The following KCND2 variants were observed in gnomAD, a reference collection of about 807,000 sequenced individuals.
KCND2 encodes A-type voltage-gated potassium channel KCND2.
In KCND2, 16 loss-of-function variants were observed where a neutral mutation model predicts 54.4. The ratio of observed to expected loss-of-function variants is 0.29; its 90% CI spans 0.20 to 0.45. The LOEUF is 0.45. KCND2 is among the 20% of genes least tolerant of loss of function. KCND2 has a pLI of 1.00. For missense variants in KCND2, 486 were observed against 824.2 expected, an observed-to-expected ratio of 0.59 and a Z score of 5.02; for synonymous variants, 317 against 310.7, an observed-to-expected ratio of 1.02 and a Z score of -0.21.
At chr7:120,609,210 G>A (rs1049702720) in intron 1 of KCND2, among the ~76,000 whole-genome samples, 3 of 151,990 alleles carry the variant, frequency 2.0e-5, no homozygotes, top group African/African-American at 7.2e-5. Flanking sequence ...CTACTAAGCC[G>A]AGGCAAACTA....
At chr7:120,404,081 G>A (rs1314135213) in intron 1 of KCND2, among the ~76,000 whole-genome samples, 1 of 152,106 alleles carries the variant, frequency 6.6e-6, no homozygotes, top group Admixed American at 6.6e-5. Context: ...AAAAAAACTA[G>A]AGAGTTTGGG....
chr7:120,584,172 A>C (rs1562879691), intron 1 of KCND2, among the ~76,000 whole-genome samples: 1 of 152,222 alleles, frequency 6.6e-6, no homozygotes, highest in Admixed American at 6.5e-5. Context: ...TATGCTTTCT[A>C]TCCTCTTTGG....
rs1339810801 is a variant in KCND2 at position 120,733,967 on chromosome 7, A to T, written c.1278+902A>T. 3.9e-5 allele frequency among the ~76,000 whole-genome samples: 6 copies of T among 152,274 alleles called. No homozygotes were observed. The East Asian group carries it at 9.7e-4, about 24-fold the overall frequency. Reference sequence around the variant, plus strand: ...TTTTCACAAAAGAATTCATATGTTAAAAGACAAACCTTAGCCAAATTAAAT... The same window carrying T: ...TTTTCACAAAAGAATTCATATGTTATAAGACAAACCTTAGCCAAATTAAAT... On this transcript the variant is annotated intron_variant, in intron 2 of 5. Coordinates refer to ENST00000331113, the MANE Select transcript of KCND2 (RefSeq NM_012281.3).
chr7:120,403,675 T>G (rs1801302417), intron 1 of KCND2, among the ~76,000 whole-genome samples: 1 of 151,890 alleles, frequency 6.6e-6, no homozygotes, highest in Non-Finnish European at 1.5e-5. Flanking sequence ...CAATTTCACA[T>G]TCAAATTTTT....
intron 1 of KCND2, among the ~76,000 whole-genome samples, chr7:120,560,174 A>G (rs147368583): frequency 6.2e-4 from 95 of 152,342 alleles, no homozygotes; most frequent in Middle Eastern, 3.4e-3. Context: ...GTAATTCAAC[A>G]TTGATATAAA....
At chr7:120,551,102 C>G (rs555289763) in intron 1 of KCND2, among the ~76,000 whole-genome samples, 1 of 152,084 alleles carries the variant, frequency 6.6e-6, no homozygotes, top group Admixed American at 6.6e-5. Flanking sequence ...TAAATAAATG[C>G]GCAGAGCTCT....
intron 1 of KCND2, among the ~76,000 whole-genome samples, chr7:120,502,948 A>G (rs1244642851): frequency 6.6e-6 from 1 of 152,072 alleles, no homozygotes; most frequent in Non-Finnish European, 1.5e-5. Context: ...CCTCAGATTT[A>G]CTTTCCTAGC....
At chr7:120,279,451 A>G (rs552360777) in intron 1 of KCND2, among the ~76,000 whole-genome samples, 1 of 151,900 alleles carries the variant, frequency 6.6e-6, no homozygotes, top group African/African-American at 2.4e-5. Flanking sequence ...TTTTCATCAA[A>G]GTGTTCAATA....
intron 2 of KCND2, among the ~76,000 whole-genome samples, chr7:120,738,662 AGTT>A (rs1562924726): frequency 6.6e-6 from 1 of 152,040 alleles, no homozygotes; most frequent in Non-Finnish European, 1.5e-5. Context: ...CCATGCCAGA[AGTT>A]GTATGTCCTA....
intron 1 of KCND2, among the ~76,000 whole-genome samples, chr7:120,413,304 TA>T (rs1801477074): frequency 6.6e-6 from 1 of 152,048 alleles, no homozygotes; most frequent in South Asian, 2.1e-4. Context: ...TACCAAATAT[TA>T]ATATTTCATT....
chr7:120,274,560 G>C lies in KCND2; in HGVS notation c.-73G>C, dbSNP rs1262093252. 1.3e-6 allele frequency: 2 copies of C among 1,565,044 alleles called. No individual in the cohort carries two copies. The highest frequency in any genetic ancestry group is 1.7e-5 in the Admixed American group (1 of 59,942). ...AGTACTTTGCTTGACTGGAGGAAGT[G>C]GGTGACTTTTGGCTGCTTCGGTGAC... On this transcript the variant is annotated 5_prime_UTR_variant, in exon 1 of 6. Coordinates refer to ENST00000331113, the MANE Select transcript of KCND2 (RefSeq NM_012281.3).
chr7:120,279,953 A>G (rs1348211013), intron 1 of KCND2, among the ~76,000 whole-genome samples: 1 of 151,906 alleles, frequency 6.6e-6, no homozygotes, highest in African/African-American at 2.4e-5. Context: ...TTGCAGAATC[A>G]TTTATGTAGA....
chr7:120,620,844 C>T (rs2116499822), intron 1 of KCND2, among the ~76,000 whole-genome samples: 1 of 152,244 alleles, frequency 6.6e-6, no homozygotes, highest in Middle Eastern at 3.4e-3. Context: ...ACTGGAAAAC[C>T]AGCCACTGGT....
intron 1 of KCND2, among the ~76,000 whole-genome samples, chr7:120,577,991 AG>A (rs778399039): frequency 5.3e-5 from 8 of 152,072 alleles, no homozygotes; most frequent in Non-Finnish European, 7.4e-5. Flanking sequence ...TCTTGAGTCC[AG>A]GAGTTCAAGA....
At chr7:120,585,725 G>A (rs1792589862) in intron 1 of KCND2, among the ~76,000 whole-genome samples, 1 of 152,164 alleles carries the variant, frequency 6.6e-6, no homozygotes, top group Non-Finnish European at 1.5e-5. Flanking sequence ...GGGCACTAAA[G>A]AGAAACAGGA....
intron 1 of KCND2, among the ~76,000 whole-genome samples, chr7:120,633,172 T>C (rs4730967): frequency 0.39 from 59,196 of 152,010 alleles, 13,593 homozygotes; most frequent in African/African-American, 0.62. Flanking sequence ...TCATTCTTTT[T>C]TTTGAGACTA....
chr7:120,548,329 C>CCAAT, intron 1 of KCND2, among the ~76,000 whole-genome samples: 1 of 152,194 alleles, frequency 6.6e-6, no homozygotes, highest in Admixed American at 6.5e-5. Flanking sequence ...GACTGGTGAA[C>CCAAT]CAATCAAAAC....
At chr7:120,351,244 G>GTGTATATATATATATATATATATATATA (rs376321316) in intron 1 of KCND2, among the ~76,000 whole-genome samples, 2 of 137,352 alleles carry the variant, frequency 1.5e-5, no homozygotes, top group African/African-American at 5.4e-5. Context: ...TTATATGTGT[G>GTGTATATATATATATATATATATATATA]TATATATATA....
At position 120,307,396 on chromosome 7, in the gene KCND2, T is replaced by C. The variant is rs942852383; in HGVS notation, c.1115+31649T>C. 3.9e-4 allele frequency among the ~76,000 whole-genome samples: 59 copies of C among 152,082 alleles called. 1 individual carries two copies. The highest frequency in any genetic ancestry group is 1.3e-3 in the African/African-American group (55 of 41,444). ...AAGTATACAAATTTGGGGACAGTGA[T>C]ATACCTACCTGTGACTAGCTTACAG... On this transcript the variant is annotated intron_variant, in intron 1 of 5. Transcript: ENST00000331113.
Sources: allele counts gnomAD v4.1 joint callset (sites outside exome capture counted in the v4.1 genomes callset), GRCh38; gene constraint gnomAD v4.1.1; transcripts MANE v1.5; gene names NCBI Gene and HGNC (gene_info 2026-07-23, HGNC 2026-07-21).